Variants in CTNNA3 observed in about 807,000 individuals in gnomAD.
The protein encoded by CTNNA3 is catenin alpha 3.
In CTNNA3, 76 loss-of-function variants were observed where a neutral mutation model predicts 95.7. The ratio of observed to expected loss-of-function variants is 0.79; its 90% CI spans 0.66 to 0.96. The LOEUF (loss-of-function observed/expected upper bound fraction) is 0.96. CTNNA3 is among the 40% of genes least tolerant of loss of function. The pLI, the probability that CTNNA3 is intolerant of heterozygous loss-of-function variation, is 0.00. For synonymous variants in CTNNA3, 431 were observed against 374.4 expected, an observed-to-expected ratio of 1.15 and a Z score of -1.74; for missense variants, 1,191 against 1,089.8, an observed-to-expected ratio of 1.09 and a Z score of -1.31.
intron 13 of CTNNA3, among the ~76,000 whole-genome samples, chr10:66,194,006 A>T (rs1173987111): frequency 1.3e-5 from 2 of 152,150 alleles, no homozygotes; most frequent in Admixed American, 1.3e-4. Flanking sequence ...GAAAAAAATG[A>T]TGTAAATTTA....
At chr10:67,179,915 T>A (rs1862431973) in intron 7 of CTNNA3, among the ~76,000 whole-genome samples, 1 of 152,098 alleles carries the variant, frequency 6.6e-6, no homozygotes, top group Non-Finnish European at 1.5e-5. Flanking sequence ...CCCTGTAATA[T>A]CACTGTTATT....
intron 7 of CTNNA3, among the ~76,000 whole-genome samples, chr10:66,826,077 A>C (rs1242222381): frequency 6.6e-6 from 1 of 152,192 alleles, no homozygotes; most frequent in African/African-American, 2.4e-5. Flanking sequence ...GCTCCTTCAA[A>C]AGGAAGGGGT....
intron 2 of CTNNA3, among the ~76,000 whole-genome samples, chr10:67,638,650 A>C (rs1430528203): frequency 1.3e-5 from 2 of 152,204 alleles, no homozygotes; most frequent in African/African-American, 4.8e-5. Context: ...AGAAATCATA[A>C]CAAACTGTCT....
intron 5 of CTNNA3, among the ~76,000 whole-genome samples, chr10:67,315,766 T>C (rs1841019998): frequency 6.6e-6 from 1 of 152,086 alleles, no homozygotes; most frequent in Non-Finnish European, 1.5e-5. Context: ...AAGAATAAGA[T>C]ATCAAAAATC....
At chr10:67,108,217 AGTT>A (rs547811703) in intron 7 of CTNNA3, among the ~76,000 whole-genome samples, 208 of 152,276 alleles carry the variant, frequency 1.4e-3, no homozygotes, top group African/African-American at 4.7e-3. Flanking sequence ...TTGTCAGTAA[AGTT>A]GTCATTTAAA....
chr10:66,972,102 T>C (rs1849754250), intron 7 of CTNNA3, among the ~76,000 whole-genome samples: 1 of 152,190 alleles, frequency 6.6e-6, no homozygotes. Context: ...TGTTTAGTGT[T>C]GCCATAGCAC....
intron 5 of CTNNA3, among the ~76,000 whole-genome samples, chr10:67,463,207 T>C (rs1405873170): frequency 6.6e-6 from 1 of 152,218 alleles, no homozygotes; most frequent in Non-Finnish European, 1.5e-5. Flanking sequence ...ACCCGACCTC[T>C]GTAAGGATTA....
chr10:66,638,205 T>A lies in CTNNA3; in HGVS notation c.1282-16421A>T, dbSNP rs147971115. Among the ~76,000 whole-genome samples, 52 of 152,326 alleles carry A rather than the reference T, an allele frequency of 3.4e-4. 1 individual carries two copies. In the East Asian group the frequency reaches 9.1e-3, roughly 27 times the overall value. On this transcript the variant is annotated intron_variant, in intron 9 of 17. Transcript: ENST00000433211. ...CTTGCAATCTTTGTTCATGATTTTG[T>A]CTCAAATTCTGAATTATCTTATTAA...
At chr10:66,278,697 G>A (rs2091442235) in intron 13 of CTNNA3, among the ~76,000 whole-genome samples, 1 of 151,994 alleles carries the variant, frequency 6.6e-6, no homozygotes, top group Non-Finnish European at 1.5e-5. Context: ...GATAGCTTTA[G>A]TAAGAAGAAA....
In CTNNA3 at chr10:65,920,829, AT is replaced by A. The variant is rs534893451; in HGVS notation, c.2401-213del. Among the ~76,000 whole-genome samples, 8 of 152,280 alleles carry A rather than the reference AT, an allele frequency of 5.3e-5. No homozygotes were observed. In the East Asian group the frequency reaches 1.5e-3, roughly 29 times the overall value. ...TGACAGTGAAACCCCATATAAAAAA[AT>A]AAATAAATAATAAAAATAAAAATAA... On this transcript the variant is annotated intron_variant, in intron 17 of 17. Transcript: ENST00000433211.
intron 10 of CTNNA3, among the ~76,000 whole-genome samples, chr10:66,534,948 C>G (rs1395253356): frequency 6.6e-6 from 1 of 151,990 alleles, no homozygotes; most frequent in Non-Finnish European, 1.5e-5. Flanking sequence ...ATTTACTACT[C>G]TATTGGAGAA....
chr10:66,239,859 T>A lies in CTNNA3; in HGVS notation c.1884+40611A>T, dbSNP rs140626634. On this transcript the variant is annotated intron_variant, in intron 13 of 17. Transcript: ENST00000433211. ...AATCCTATACATTATCTTTGCCCAA[T>A]GTGTTTAGTTTAAATTCCTCTGCCC... is the stretch of plus-strand genomic sequence containing the variant. Among the ~76,000 whole-genome samples, 5 of 152,072 alleles carry A rather than the reference T, an allele frequency of 3.3e-5. No individual in the cohort carries two copies. The East Asian group carries it at 9.7e-4, about 29-fold the overall frequency.
intron 12 of CTNNA3, among the ~76,000 whole-genome samples, chr10:66,374,484 T>G (rs1328583746): frequency 6.6e-6 from 1 of 152,116 alleles, no homozygotes; most frequent in Non-Finnish European, 1.5e-5. Context: ...TTTTGGGTTT[T>G]GATTTTTTTT....
intron 10 of CTNNA3, among the ~76,000 whole-genome samples, chr10:66,601,867 A>T (rs1843938736): frequency 6.6e-6 from 1 of 152,002 alleles, no homozygotes; most frequent in Middle Eastern, 3.4e-3. Context: ...TACTCCAAGA[A>T]ATCTGGAGTG....
chr10:67,584,108 C>T (rs575717237), intron 3 of CTNNA3, among the ~76,000 whole-genome samples: 2 of 152,188 alleles, frequency 1.3e-5, no homozygotes, highest in Non-Finnish European at 2.9e-5. Flanking sequence ...CCGTTGCTGG[C>T]AAGGAGCTGC....
chr10:66,593,025 AC>A (rs1216631126), intron 10 of CTNNA3, among the ~76,000 whole-genome samples: 1 of 152,206 alleles, frequency 6.6e-6, no homozygotes, highest in Non-Finnish European at 1.5e-5. Flanking sequence ...GAATCATGCC[AC>A]TAAGAAATTT....
intron 7 of CTNNA3, among the ~76,000 whole-genome samples, chr10:66,952,988 C>G (rs1433216080): frequency 2.6e-5 from 4 of 151,912 alleles, no homozygotes; most frequent in South Asian, 2.1e-4. Flanking sequence ...TTTCAAAAAC[C>G]TGGAGCTATT....
At chr10:66,265,042 T>G (rs2091114759) in intron 13 of CTNNA3, among the ~76,000 whole-genome samples, 1 of 152,006 alleles carries the variant, frequency 6.6e-6, no homozygotes, top group Non-Finnish European at 1.5e-5. Flanking sequence ...TTCAATTCAT[T>G]TTGTCCACTC....
intron 2 of CTNNA3, among the ~76,000 whole-genome samples, chr10:67,609,450 TA>T (rs534163800): frequency 3.4e-5 from 5 of 147,590 alleles, no homozygotes; most frequent in South Asian, 2.2e-4. Flanking sequence ...ATCCATGAAC[TA>T]AAAAAAAAAC....
Sources: allele counts gnomAD v4.1 joint callset (sites outside exome capture counted in the v4.1 genomes callset), GRCh38; gene constraint gnomAD v4.1.1; transcripts MANE v1.5; gene names NCBI Gene and HGNC (gene_info 2026-07-23, HGNC 2026-07-21).